Variants in PPP2R2B observed in about 807,000 individuals in gnomAD.
PPP2R2B encodes protein phosphatase 2 regulatory subunit Bbeta.
PPP2R2B carries 5 observed loss-of-function variants against 46.0 expected under a neutral mutation model. The ratio of observed to expected loss-of-function variants is 0.11; its 90% CI spans 0.06 to 0.23. PPP2R2B has a LOEUF of 0.23. Among genes scored for constraint, PPP2R2B ranks in the 10% least tolerant of loss-of-function variants. The pLI is 1.00. For synonymous variants in PPP2R2B, 215 were observed against 206.7 expected (o/e 1.04, Z -0.34); for missense variants, 367 against 575.0 (o/e 0.64, Z 3.70).
At chr5:146,987,635 T>TA in intron 1 of PPP2R2B, among the ~76,000 whole-genome samples, 1 of 151,584 alleles carries the variant, frequency 6.6e-6, no homozygotes, top group Non-Finnish European at 1.5e-5. Flanking sequence ...ATGGATAAAC[T>TA]AAAAATAAAA....
rs780634863 is a variant in PPP2R2B, at chr5:146,777,523, G to A, written c.71-76381C>T. Reference sequence around the variant, plus strand: ...GTGCAGTTTCTGTTTGGGGTAATGAGTATTTTTGGAAATAATAGTGATAAT... The same window carrying A: ...GTGCAGTTTCTGTTTGGGGTAATGAATATTTTTGGAAATAATAGTGATAAT... On this transcript the variant is annotated intron_variant, in intron 2 of 9. Coordinates refer to ENST00000394411, the MANE Select transcript of PPP2R2B (RefSeq NM_181675.4). 1.8e-4 allele frequency among the ~76,000 whole-genome samples: 28 copies of A among 152,166 alleles called. No homozygotes were observed. The South Asian group carries it at 3.5e-3, about 19-fold the overall frequency.
At chr5:146,670,801 G>A (rs1187395351) in intron 5 of PPP2R2B, among the ~76,000 whole-genome samples, 2 of 151,978 alleles carry the variant, frequency 1.3e-5, no homozygotes, top group East Asian at 1.9e-4. Context: ...GGCCCACTTA[G>A]TATTTTCTTT....
Position 146,588,370 on chromosome 5 carries a change from T to C in PPP2R2B, c.*1577A>G, listed in dbSNP as rs1770276965. On this transcript the variant is annotated 3_prime_UTR_variant, in exon 10 of 10. Transcript: ENST00000394411. ...AATTGAGATAAAATGATTCTTTCAC[T>C]ATTTTTTCCTCCTCCAAAGCAAATT... is the stretch of plus-strand genomic sequence containing the variant. 6.6e-6 allele frequency: 1 copy of C among 152,112 alleles called. No individual in the cohort carries two copies. Among genetic ancestry groups the C allele is most frequent in the Non-Finnish European group, 1.5e-5 (1 of 68,020 alleles). The allele number at this position is 152,112 out of a possible 1,614,324, so 9.4% of individuals were successfully genotyped here. A position where few individuals can be genotyped will look rare whatever the true frequency, so the allele number is the denominator to read the frequency against.
intron 1 of PPP2R2B, among the ~76,000 whole-genome samples, chr5:147,030,484 T>A (rs1288897556): frequency 1.3e-5 from 2 of 152,136 alleles, no homozygotes; most frequent in Non-Finnish European, 2.9e-5. Flanking sequence ...ATATAATTTT[T>A]AAAAATTCAG....
intron 1 of PPP2R2B, among the ~76,000 whole-genome samples, chr5:146,965,999 G>T (rs1173778721): frequency 6.6e-6 from 1 of 152,168 alleles, no homozygotes; most frequent in African/African-American, 2.4e-5. Context: ...CATTCCCCAG[G>T]CATACAATAT....
At chr5:146,615,515 T>TAAAAAAAAAAAA (rs1364774106) in intron 7 of PPP2R2B, among the ~76,000 whole-genome samples, 15 of 71,016 alleles carry the variant, frequency 2.1e-4, no homozygotes, top group East Asian at 4.3e-4. Context: ...AAAAAAAAAT[T>TAAAAAAAAAAAA]AAAAAAAAAA....
intron 1 of PPP2R2B, among the ~76,000 whole-genome samples, chr5:147,042,544 A>G (rs1756361825): frequency 6.6e-6 from 1 of 152,162 alleles, no homozygotes; most frequent in African/African-American, 2.4e-5. Flanking sequence ...AGAAAAAGGT[A>G]GACAAAAACT....
chr5:146,909,622 C>T (rs1279066652), intron 1 of PPP2R2B, among the ~76,000 whole-genome samples: 2 of 152,164 alleles, frequency 1.3e-5, no homozygotes, highest in Admixed American at 6.5e-5. Flanking sequence ...AACTGGAATC[C>T]ATTTACAGAT....
intron 2 of PPP2R2B, among the ~76,000 whole-genome samples, chr5:146,735,173 A>AC (rs1286763959): frequency 2.6e-5 from 4 of 152,232 alleles, no homozygotes; most frequent in African/African-American, 9.6e-5. Flanking sequence ...ATGATAATAA[A>AC]TTGGGTAGCA....
chr5:147,043,918 A>G (rs1409694764), intron 1 of PPP2R2B, among the ~76,000 whole-genome samples: 1 of 152,026 alleles, frequency 6.6e-6, no homozygotes, highest in Non-Finnish European at 1.5e-5. Context: ...CTGGGTCCAA[A>G]TCCCACCTCT....
rs2150990044 is a variant in PPP2R2B at position 146,585,572 on chromosome 5, G to C, written c.*4375C>G. ...TTTAACAGCTCTGGCTTTAGAGTCAGATACCTTGAGTTGGAGTCCTGGTTC... is the reference window on the plus strand; with the variant it reads ...TTTAACAGCTCTGGCTTTAGAGTCACATACCTTGAGTTGGAGTCCTGGTTC... On this transcript the variant is annotated 3_prime_UTR_variant, in exon 10 of 10. Transcript: ENST00000394411. The C allele has an allele frequency of 6.6e-6, 1 of 152,320 alleles. No individual in the cohort carries two copies. Among genetic ancestry groups the C allele is most frequent in the African/African-American group, 2.4e-5 (1 of 41,578 alleles). The allele number at this position is 152,320 out of a possible 1,614,324, so 9.4% of individuals were successfully genotyped here. A position where few individuals can be genotyped will look rare whatever the true frequency, so the allele number is the denominator to read the frequency against.
intron 5 of PPP2R2B, among the ~76,000 whole-genome samples, chr5:146,690,574 G>A (rs1334909178): frequency 6.6e-6 from 1 of 152,226 alleles, no homozygotes; most frequent in Non-Finnish European, 1.5e-5. Flanking sequence ...AGCCATAGAG[G>A]AAGGGTTTTC....
chr5:146,987,135 T>G (rs2151859209), intron 1 of PPP2R2B, among the ~76,000 whole-genome samples: 1 of 152,180 alleles, frequency 6.6e-6, no homozygotes, highest in Non-Finnish European at 1.5e-5. Context: ...GCCCAACAAC[T>G]GAGAATACTA....
chr5:146,594,884 T>C (rs1412937839), intron 8 of PPP2R2B, among the ~76,000 whole-genome samples: 3 of 152,058 alleles, frequency 2.0e-5, no homozygotes, highest in African/African-American at 7.2e-5. Context: ...AAGTTAAGAG[T>C]GATGATTCGA....
intron 2 of PPP2R2B, among the ~76,000 whole-genome samples, chr5:146,855,866 T>A (rs1760627468): frequency 6.6e-6 from 1 of 152,196 alleles, no homozygotes; most frequent in Non-Finnish European, 1.5e-5. Context: ...GAAGCCTTCA[T>A]GCTACTTCAT....
rs185029477 is a variant in PPP2R2B at position 146,703,703 on chromosome 5, T to C, written c.71-2561A>G. On this transcript the variant is annotated intron_variant, in intron 2 of 9. Transcript: ENST00000394411. ...GTCTTTACTCTCACTTTAAGACCCA[T>C]GCAAGTCAAAACAAGGCAGGATTCA... 2.1e-3 allele frequency among the ~76,000 whole-genome samples: 327 copies of C among 152,332 alleles called. 1 individual carries two copies. Among genetic ancestry groups the C allele is most frequent in the African/African-American group, 7.3e-3 (305 of 41,568 alleles).
intron 2 of PPP2R2B, among the ~76,000 whole-genome samples, chr5:146,859,205 G>A (rs1760842379): frequency 6.6e-6 from 1 of 152,262 alleles, no homozygotes; most frequent in Non-Finnish European, 1.5e-5. Context: ...CTGAAAAAAT[G>A]AGAATAAAGG....
At chr5:147,010,737 G>A (rs1289903197) in intron 1 of PPP2R2B, among the ~76,000 whole-genome samples, 1 of 152,138 alleles carries the variant, frequency 6.6e-6, no homozygotes, top group East Asian at 1.9e-4. Context: ...AACAGGCCAC[G>A]GATCGGTAGT....
intron 8 of PPP2R2B, among the ~76,000 whole-genome samples, chr5:146,595,190 C>A (rs763435557): frequency 1.3e-5 from 2 of 152,186 alleles, no homozygotes; most frequent in Non-Finnish European, 2.9e-5. Flanking sequence ...TACAGCAGTG[C>A]TCTTGGCATT....
Sources: gnomAD v4.1 joint callset for allele counts (sites outside exome capture counted in the v4.1 genomes callset) on GRCh38, gnomAD v4.1.1 for gene constraint, MANE v1.5 for transcripts, NCBI Gene and HGNC (gene_info 2026-07-23, HGNC 2026-07-21) for gene names.